Variants in SPHK1 observed in about 807,000 individuals in gnomAD.
The protein encoded by SPHK1 is SK 1.
SPHK1 carries 10 observed loss-of-function variants against 14.6 expected under a neutral mutation model. The observed-to-expected ratio is 0.68, with a 90% confidence interval of 0.42 to 1.16. The LOEUF (loss-of-function observed/expected upper bound fraction) is 1.16. SPHK1 is among the 50% of genes most tolerant of loss of function. The pLI is 0.00. For synonymous variants in SPHK1, 274 were observed against 224.0 expected (o/e 1.22, Z -1.99); for missense variants, 553 against 525.4 (o/e 1.05, Z -0.51).
In SPHK1 at chr17:76,386,113, A is replaced by G. The variant is rs1319906087; in HGVS notation, c.139A>G (p.Ile47Val). The G allele has an allele frequency of 3.1e-6, 5 of 1,598,224 alleles. No individual in the cohort carries two copies. Among genetic ancestry groups the G allele is most frequent in the Non-Finnish European group, 4.3e-6 (5 of 1,171,672 alleles). Residue 47 changes from isoleucine (I) to valine (V), a missense_variant, in exon 3 of 6, where the codon ATC becomes GTC. Coordinates refer to ENST00000592299, the MANE Select transcript of SPHK1 (RefSeq NM_001142601.2). The surrounding 1 kb of genome is among the most constrained non-coding windows in gnomAD (Gnocchi z 5.3). ...HVQPLLAEAEISFTLMLTERR... is the reference protein window; with the variant it reads ...HVQPLLAEAEVSFTLMLTERR... ...GCAGCCCCTTTTGGCTGAGGCTGAA[A>G]TCTCCTTCACGCTGATGCTCACTGG...
chr17:76,384,971 G>A (rs2071935617), intron 1 of SPHK1, 165 bp downstream of exon 1: 17 of 1,034,034 alleles, frequency 1.6e-5, no homozygotes, highest in Non-Finnish European at 2.1e-5. Context: ...TCCCACGAGC[G>A]CCGCGCGCGT....
In SPHK1 at chr17:76,387,677, TGGA is replaced by T; in HGVS notation, c.*96_*98del. 7.4e-7 allele frequency: 1 copy of T among 1,351,032 alleles called. No homozygotes were observed. The highest frequency in any genetic ancestry group is 1.4e-5 in the South Asian group (1 of 69,364). 83.7% of individuals were successfully genotyped at this position (1,351,032 alleles called of 1,614,324 possible). A position where few individuals can be genotyped will look rare whatever the true frequency, so the allele number is the denominator to read the frequency against. ...GGCCTGTCCACAGCTCCTGTGGGGGTGGAGGAGACTCCTCTGGAGAAGGGTGAG... is the reference window on the plus strand; with the variant it reads ...GGCCTGTCCACAGCTCCTGTGGGGGTGGAGACTCCTCTGGAGAAGGGTGAG... On this transcript the variant is annotated 3_prime_UTR_variant, in exon 6 of 6. Transcript: ENST00000592299. This position sits in a 1 kb window ranked among gnomAD's most constrained non-coding sequence, Gnocchi z 4.1.
Position 76,386,971 on chromosome 17 carries a change from G to A in SPHK1, c.540G>A (p.Glu180=). The change falls in exon 6 of 6, where the codon GAG becomes GAA. Residue 180 remains glutamate (E), a synonymous_variant. Coordinates refer to ENST00000592299, the MANE Select transcript of SPHK1 (RefSeq NM_001142601.2). This position sits in a 1 kb window ranked among gnomAD's most constrained non-coding sequence, Gnocchi z 5.3. ...GCTTCATTGCTGATGTGGACCTAGAGAGTGAGAAGTATCGGCGTCTGGGGG... is the reference window on the plus strand; with the variant it reads ...GCTTCATTGCTGATGTGGACCTAGAAAGTGAGAAGTATCGGCGTCTGGGGG... ...AWGFIADVDL[E]SEKYRRLGEM... is the part of the protein sequence containing the mutation. 2 of 1,613,740 alleles carry A rather than the reference G, an allele frequency of 1.2e-6. No individual in the cohort carries two copies. Among genetic ancestry groups the A allele is most frequent in the South Asian group, 1.1e-5 (1 of 91,078 alleles).
At position 76,385,345 on chromosome 17, in the gene SPHK1, C is replaced by A. The variant is rs2071947039; in HGVS notation, c.-194-106C>A. 2 of 1,450,100 alleles carry A rather than the reference C, an allele frequency of 1.4e-6. No individual in the cohort carries two copies. Among genetic ancestry groups the A allele is most frequent in the Non-Finnish European group, 1.8e-6 (2 of 1,103,524 alleles). The allele number at this position is 1,450,100 out of a possible 1,614,324, so 89.8% of individuals were successfully genotyped here. A position where few individuals can be genotyped will look rare whatever the true frequency, so the allele number is the denominator to read the frequency against. On this transcript the variant is annotated intron_variant, in intron 1 of 5. Transcript: ENST00000592299. This position sits in a 1 kb window ranked among gnomAD's most constrained non-coding sequence, Gnocchi z 5.3. ...CACCGGACCTCAGCTCTCTGGACTTCCCGGGAACCTGGCTCCCCGCGCGTG... is the reference window on the plus strand; with the variant it reads ...CACCGGACCTCAGCTCTCTGGACTTACCGGGAACCTGGCTCCCCGCGCGTG...
chr17:76,384,450 C>T (rs2071922907), upstream of SPHK1: 1 of 150,112 alleles, frequency 6.7e-6, no homozygotes, highest in African/African-American at 2.4e-5. Context: ...CTTGCCGCTT[C>T]CTAGGACCCG....
At chr17:76,383,718 C>G (rs1028080674), upstream of SPHK1, 5 of 665,178 alleles carry the variant, frequency 7.5e-6, no homozygotes, top group African/African-American at 3.8e-5. Flanking sequence ...CTGTGGCTTG[C>G]CGCGATAAGT....
At chr17:76,384,966 C>G (rs774736487) in intron 1 of SPHK1, 160 bp downstream of exon 1, 8 of 988,616 alleles carry the variant, frequency 8.1e-6, no homozygotes, top group Admixed American at 7.1e-5. Flanking sequence ...GCGGCTCCCA[C>G]GAGCGCCGCG....
Position 76,386,865 on chromosome 17 carries a change from G to A in SPHK1, c.434G>A (p.Arg145Gln), listed in dbSNP as rs769488307. 16 of 1,601,748 alleles carry A rather than the reference G, an allele frequency of 1.0e-5. No individual in the cohort carries two copies. The highest frequency in any genetic ancestry group is 3.3e-5 in the South Asian group (3 of 89,962). ...LTNCTLLLCR[R>Q]LLSPMNLLSL... ...AACTGCACGCTATTGCTGTGCCGCC[G>A]GCTGCTGTCACCCATGAACCTGCTG... The change falls in exon 6 of 6, where the codon CGG becomes CAG. Residue 145 changes from arginine (R) to glutamine (Q), a missense_variant. Transcript: ENST00000592299. This position sits in a 1 kb window ranked among gnomAD's most constrained non-coding sequence, Gnocchi z 5.3.
rs111636968 is a variant in SPHK1 at position 76,387,274 on chromosome 17, A to C, written c.843A>C (p.Ala281=). ...EMFAAPMGRC[A]AGVMHLFYVR... is the part of the protein sequence containing the mutation. ...TTGCTGCACCCATGGGCCGCTGTGC[A>C]GCTGGCGTCATGCATCTGTTCTACG... Residue 281 remains alanine (A), a synonymous_variant, in exon 6 of 6, where the codon GCA becomes GCC. Transcript: ENST00000592299. The surrounding 1 kb of genome is among the most constrained non-coding windows in gnomAD (Gnocchi z 4.1). 56 of 1,613,336 alleles carry C rather than the reference A, an allele frequency of 3.5e-5. No individual in the cohort carries two copies. Among genetic ancestry groups the C allele is most frequent in the Non-Finnish European group, 4.2e-5 (49 of 1,179,950 alleles).
Position 76,385,219 on chromosome 17 carries a change from C to G in SPHK1, c.-194-232C>G, listed in dbSNP as rs1055490286. ...AGCCACGGGGCTCTGACTCATCCGT[C>G]GGGCCGGAACCGAACCCCAAGCCCC... On this transcript the variant is annotated intron_variant, in intron 1 of 5. Coordinates refer to ENST00000592299, the MANE Select transcript of SPHK1 (RefSeq NM_001142601.2). This position sits in a 1 kb window ranked among gnomAD's most constrained non-coding sequence, Gnocchi z 5.3. The G allele has an allele frequency of 8.4e-6, 13 of 1,550,724 alleles. No individual in the cohort carries two copies. The highest frequency in any genetic ancestry group is 7.9e-5 in the Admixed American group (4 of 50,492).
chr17:76,387,840 TA>T lies in SPHK1; in HGVS notation c.*257del. On this transcript the variant is annotated 3_prime_UTR_variant, in exon 6 of 6. Transcript: ENST00000592299. The surrounding 1 kb of genome is among the most constrained non-coding windows in gnomAD (Gnocchi z 4.1). ...CCCCACCCCACGAACCAAATCCAAA[TA>T]AAGTGACATTCCCAGCCTGCTCGTC... 6.4e-6 allele frequency: 3 copies of T among 468,718 alleles called. No individual in the cohort carries two copies. The highest frequency in any genetic ancestry group is 1.1e-5 in the Non-Finnish European group (3 of 265,082). The allele number at this position is 468,718 out of a possible 1,614,324, so 29.0% of individuals were successfully genotyped here.
chr17:76,387,511 G>T lies in SPHK1; in HGVS notation c.1080G>T (p.Trp360Cys), dbSNP rs751348267. The T allele has an allele frequency of 1.2e-6, 2 of 1,612,484 alleles. No individual in the cohort carries two copies. The highest frequency in any genetic ancestry group is 2.2e-5 in the South Asian group (2 of 91,036). The change falls in exon 6 of 6, where the codon TGG becomes TGT. Residue 360 changes from tryptophan (W) to cysteine (C), a missense_variant. Physicochemically the swap from Trp to Cys is radical, Grantham distance 215. Transcript: ENST00000592299. This position sits in a 1 kb window ranked among gnomAD's most constrained non-coding sequence, Gnocchi z 4.1. Reference sequence around the variant, plus strand: ...GCCAGGTGCACCCAAACTACTTCTGGATGGTCAGCGGTTGCGTGGAGCCCC... The same window carrying T: ...GCCAGGTGCACCCAAACTACTTCTGTATGGTCAGCGGTTGCGTGGAGCCCC... ...VQGQVHPNYF[W>C]MVSGCVEPPP...
Position 76,385,400 on chromosome 17 carries a change from C to T in SPHK1, c.-194-51C>T, listed in dbSNP as rs776034089. 2.9e-5 allele frequency: 43 copies of T among 1,473,914 alleles called. No homozygotes were observed. The highest frequency in any genetic ancestry group is 3.7e-5 in the Non-Finnish European group (41 of 1,116,058). 91.3% of individuals were successfully genotyped at this position (1,473,914 alleles called of 1,614,324 possible). On this transcript the variant is annotated intron_variant, in intron 1 of 5. Transcript: ENST00000592299. The surrounding 1 kb of genome is among the most constrained non-coding windows in gnomAD (Gnocchi z 5.3). Reference sequence around the variant, plus strand: ...CGGGATTTAGTCGGGCGCTCCCCACCTCTGGCAGCTGCGGCCCCGGACTCC... The same window carrying T: ...CGGGATTTAGTCGGGCGCTCCCCACTTCTGGCAGCTGCGGCCCCGGACTCC...
At position 76,385,096 on chromosome 17, in the gene SPHK1, G is replaced by A. The variant is rs532371702; in HGVS notation, c.-195+290G>A. The A allele has an allele frequency of 1.0e-4, 162 of 1,561,562 alleles. 2 individuals are homozygous for A. The South Asian group carries it at 1.8e-3, about 17-fold the overall frequency. On this transcript the variant is annotated intron_variant, in intron 1 of 5. Coordinates refer to ENST00000592299, the MANE Select transcript of SPHK1 (RefSeq NM_001142601.2). The surrounding 1 kb of genome is among the most constrained non-coding windows in gnomAD (Gnocchi z 5.3). ...GGCAGGGATCCTCTCCCAGAACTTC[G>A]TGCCCAGCAATGTCCGCTCAAGTTC...
intron 1 of SPHK1, 65 bp downstream of exon 1, chr17:76,384,871 C>T (rs1341723414): frequency 2.3e-6 from 1 of 428,452 alleles, no homozygotes; most frequent in Non-Finnish European, 4.1e-6. Flanking sequence ...TCGCGGGGCC[C>T]CGGGAACTGG....
Position 76,386,653 on chromosome 17 carries a change from T to C in SPHK1, c.374+145T>C. On this transcript the variant is annotated intron_variant, in intron 5 of 5. Transcript: ENST00000592299. The surrounding 1 kb of genome is among the most constrained non-coding windows in gnomAD (Gnocchi z 5.3). ...GGGGCCCTCTCCTGGTGACCCCAGC[T>C]GACTGCTTCCATTTGCTCCATCTGT... The C allele has an allele frequency of 2.6e-6, 3 of 1,156,720 alleles. No individual in the cohort carries two copies. The highest frequency in any genetic ancestry group is 3.0e-5 in the South Asian group (2 of 65,740). 71.7% of individuals were successfully genotyped at this position (1,156,720 alleles called of 1,614,324 possible).
upstream of SPHK1, chr17:76,383,324 C>A (rs2071897678): frequency 6.5e-6 from 1 of 153,064 alleles, no homozygotes; most frequent in African/African-American, 2.4e-5. Context: ...CCCCGCGTCC[C>A]AGCCAGTGCC....
Position 76,386,193 on chromosome 17 carries a change from G to C in SPHK1, c.164-28G>C, listed in dbSNP as rs2071977907. The C allele has an allele frequency of 6.3e-7, 1 of 1,595,366 alleles. No individual in the cohort carries two copies. The highest frequency in any genetic ancestry group is 8.5e-7 in the Non-Finnish European group (1 of 1,176,032). On this transcript the variant is annotated intron_variant, in intron 3 of 5. Coordinates refer to ENST00000592299, the MANE Select transcript of SPHK1 (RefSeq NM_001142601.2). This position sits in a 1 kb window ranked among gnomAD's most constrained non-coding sequence, Gnocchi z 5.3. ...CATCCCCTGGCAGGGGACCCCCCCA[G>C]TCCTGATAGCTGCCGGTCTCCCTGC...
rs1414442955 is a variant in SPHK1 at position 76,385,465 on chromosome 17, G to T, written c.-180G>T. 1 of 1,555,152 alleles carries T rather than the reference G, an allele frequency of 6.4e-7. No homozygotes were observed. The highest frequency in any genetic ancestry group is 8.6e-7 in the Non-Finnish European group (1 of 1,158,374). On this transcript the variant is annotated 5_prime_UTR_variant, in exon 2 of 6. In the 5' UTR this introduces an upstream ATG that the reference lacks. Transcript: ENST00000592299. This position sits in a 1 kb window ranked among gnomAD's most constrained non-coding sequence, Gnocchi z 5.3. ...CTCTCCCTCAGGTCCAGCCGCCGCA[G>T]GGAATGACGCCGGTGCTCCTGCAGC...
Sources: allele counts gnomAD v4.1 joint callset, GRCh38; gene constraint gnomAD v4.1.1; non-coding constraint Gnocchi (gnomAD v3.1); transcripts MANE v1.5; gene names NCBI Gene and HGNC (gene_info 2026-07-23, HGNC 2026-07-21).